Variants in AKAP13 observed in about 807,000 individuals in gnomAD.
AKAP13 encodes A-kinase anchoring protein 13.
AKAP13 carries 80 observed loss-of-function variants against 264.5 expected under a neutral mutation model. The ratio of observed to expected loss-of-function variants is 0.30; its 90% CI spans 0.25 to 0.36. The LOEUF (loss-of-function observed/expected upper bound fraction) is 0.36, where lower values mean the gene tolerates loss of function less well. Ranked by LOEUF, AKAP13 falls within the 10% of genes least tolerant of loss-of-function variation. The probability of loss-of-function intolerance (pLI) is 1.00; values close to 1 mark genes in which losing one functional copy is unlikely to be tolerated. For synonymous variants in AKAP13, 1,380 were observed against 1,250.2 expected (o/e 1.10, Z -2.19); for missense variants, 3,712 against 3,435.2 (o/e 1.08, Z -2.01).
At chr15:85,704,128 T>A (rs1052321006) in intron 17 of AKAP13, among the ~76,000 whole-genome samples, 1 of 152,172 alleles carries the variant, frequency 6.6e-6, no homozygotes, top group Non-Finnish European at 1.5e-5. Context: ...CCAGTTAGAT[T>A]TTGCTGCTCA....
At chr15:85,504,519 A>AAG (rs2076139487) in intron 2 of AKAP13, among the ~76,000 whole-genome samples, 1 of 80,844 alleles carries the variant, frequency 1.2e-5, no homozygotes, top group African/African-American at 7.2e-5. Context: ...AAAAAAAAAA[A>AAG]AAAAAAAAAA....
intron 8 of AKAP13, among the ~76,000 whole-genome samples, chr15:85,626,224 C>G (rs1455357521): frequency 1.3e-5 from 2 of 152,228 alleles, no homozygotes; most frequent in African/African-American, 4.8e-5. Flanking sequence ...TCTCTAACTG[C>G]TGCTCATTCA....
intron 5 of AKAP13, among the ~76,000 whole-genome samples, chr15:85,549,063 A>G (rs894901579): frequency 2.0e-5 from 3 of 152,088 alleles, no homozygotes; most frequent in African/African-American, 7.2e-5. Context: ...TCTAATGCCT[A>G]TGTCAGTTTT....
chr15:85,507,727 C>G (rs2151110774), intron 2 of AKAP13, among the ~76,000 whole-genome samples: 1 of 152,344 alleles, frequency 6.6e-6, no homozygotes, highest in East Asian at 1.9e-4. Flanking sequence ...CTTCTGGGGA[C>G]TGGTGTAATC....
chr15:85,396,546 C>G lies in AKAP13; in HGVS notation c.-12+15748C>G, dbSNP rs183805593. Among the ~76,000 whole-genome samples, 37 of 152,230 alleles carry G rather than the reference C, an allele frequency of 2.4e-4. No individual in the cohort carries two copies. The South Asian group carries it at 2.5e-3, about 10-fold the overall frequency. ...TCATATACCATAAAATTCACCCATGCTTTACTATAATATGTTTGTCCTAGT... is the reference window on the plus strand; with the variant it reads ...TCATATACCATAAAATTCACCCATGGTTTACTATAATATGTTTGTCCTAGT... On this transcript the variant is annotated intron_variant, in intron 1 of 36. Transcript: ENST00000394518.
At chr15:85,508,492 C>G (rs1215721277) in intron 2 of AKAP13, among the ~76,000 whole-genome samples, 1 of 151,878 alleles carries the variant, frequency 6.6e-6, no homozygotes, top group Non-Finnish European at 1.5e-5. Flanking sequence ...AATTCCAGCC[C>G]TCTGACGGGG....
At position 85,472,293 on chromosome 15, in the gene AKAP13, G is replaced by A. The variant is rs140323918; in HGVS notation, c.-11-13417G>A. On this transcript the variant is annotated intron_variant, in intron 1 of 36. Coordinates refer to ENST00000394518, the MANE Select transcript of AKAP13 (RefSeq NM_007200.5). ...AGGCTGAGGCAGGAGGATCACTTGA[G>A]CCCAGGAGTTGGAGTCTAGCCTGGT... Among the ~76,000 whole-genome samples, 165 of 150,898 alleles carry A rather than the reference G, an allele frequency of 1.1e-3. 1 individual carries two copies. Among genetic ancestry groups the A allele is most frequent in the African/African-American group, 3.9e-3 (161 of 41,106 alleles).
At chr15:85,413,286 C>G (rs1399195672) in intron 1 of AKAP13, among the ~76,000 whole-genome samples, 1 of 152,186 alleles carries the variant, frequency 6.6e-6, no homozygotes, top group African/African-American at 2.4e-5. Context: ...AACTTCAGAA[C>G]AGACCGTAAC....
At chr15:85,588,605 C>G (rs1039036772) in intron 8 of AKAP13, among the ~76,000 whole-genome samples, 7 of 152,158 alleles carry the variant, frequency 4.6e-5, no homozygotes, top group Non-Finnish European at 1.0e-4. Context: ...AAGAAGAAAA[C>G]AAAACATGAC....
At chr15:85,710,005 T>C (rs111637031) in intron 18 of AKAP13, among the ~76,000 whole-genome samples, 5 of 152,332 alleles carry the variant, frequency 3.3e-5, no homozygotes, top group African/African-American at 1.2e-4. Context: ...TCATTTTAAA[T>C]AGGAAGTAAC....
intron 2 of AKAP13, among the ~76,000 whole-genome samples, chr15:85,501,407 G>A (rs941160677): frequency 6.6e-6 from 1 of 152,220 alleles, no homozygotes; most frequent in Admixed American, 6.5e-5. Context: ...GTGAGACAGA[G>A]ATAGGTGTTT....
intron 8 of AKAP13, among the ~76,000 whole-genome samples, chr15:85,630,627 G>A (rs1283869557): frequency 6.6e-6 from 1 of 151,982 alleles, no homozygotes; most frequent in Non-Finnish European, 1.5e-5. Flanking sequence ...AAAAATAGAA[G>A]GATAGAAACA....
At chr15:85,598,058 T>C (rs145910921) in intron 8 of AKAP13, among the ~76,000 whole-genome samples, 1 of 152,286 alleles carries the variant, frequency 6.6e-6, no homozygotes, top group African/African-American at 2.4e-5. Context: ...TGTCGTATGT[T>C]CAGTTTTATT....
At chr15:85,458,275 T>C (rs1430244846) in intron 1 of AKAP13, among the ~76,000 whole-genome samples, 1 of 152,120 alleles carries the variant, frequency 6.6e-6, no homozygotes, top group East Asian at 1.9e-4. Flanking sequence ...ATGGAAACTT[T>C]AGAATATAAA....
chr15:85,449,444 G>T (rs756828124), intron 1 of AKAP13, among the ~76,000 whole-genome samples: 2 of 152,108 alleles, frequency 1.3e-5, no homozygotes, highest in African/African-American at 4.8e-5. Context: ...GATTGCTCTG[G>T]CTAGGATTTC....
intron 35 of AKAP13, 38 bp downstream of exon 35, chr15:85,741,533 T>C: frequency 2.6e-6 from 4 of 1,529,608 alleles, no homozygotes; most frequent in Non-Finnish European, 3.5e-6. Flanking sequence ...CTAATGATGA[T>C]ATTAATTAAG....
At chr15:85,495,467 A>G (rs749124351) in intron 2 of AKAP13, among the ~76,000 whole-genome samples, 24 of 152,260 alleles carry the variant, frequency 1.6e-4, no homozygotes, top group Admixed American at 6.5e-4. Flanking sequence ...CATATCTCAG[A>G]TTCTTCAGTT....
In AKAP13 at chr15:85,718,503, G is replaced by T. The variant is rs539004472; in HGVS notation, c.6001+344G>T. On this transcript the variant is annotated intron_variant, in intron 22 of 36. Coordinates refer to ENST00000394518, the MANE Select transcript of AKAP13 (RefSeq NM_007200.5). The surrounding 1 kb of genome is among the most constrained non-coding windows in gnomAD (Gnocchi z 4.9). Reference sequence around the variant, plus strand: ...CTGGGTATACAGTCAGTTACGACAGGTGCTGAATCCAGTGAAGACCTCTTT... The same window carrying T: ...CTGGGTATACAGTCAGTTACGACAGTTGCTGAATCCAGTGAAGACCTCTTT... Among the ~76,000 whole-genome samples the T allele has an allele frequency of 6.6e-6, 1 of 152,306 alleles. No individual in the cohort carries two copies. The highest frequency in any genetic ancestry group is 1.9e-4 in the East Asian group (1 of 5,180).
At chr15:85,650,276 T>A (rs566178240) in intron 10 of AKAP13, among the ~76,000 whole-genome samples, 1 of 149,988 alleles carries the variant, frequency 6.7e-6, no homozygotes, top group South Asian at 2.1e-4. Flanking sequence ...GTAAAAAATT[T>A]AAAAATTAGC....
Sources: gnomAD v4.1 joint callset for allele counts (sites outside exome capture counted in the v4.1 genomes callset) on GRCh38, gnomAD v4.1.1 for gene constraint, Gnocchi (gnomAD v3.1) non-coding constraint, MANE v1.5 for transcripts, NCBI Gene and HGNC (gene_info 2026-07-23, HGNC 2026-07-21) for gene names.